CTNNA3: variants seen among roughly 807,000 people sequenced by gnomAD.
CTNNA3 encodes catenin alpha-3.
A neutral mutation model predicts 95.7 loss-of-function variants in CTNNA3; 76 were observed. The observed-to-expected ratio is 0.79, with a 90% confidence interval of 0.66 to 0.96. The LOEUF (loss-of-function observed/expected upper bound fraction) is 0.96. Ranked by LOEUF, CTNNA3 falls within the 40% of genes least tolerant of loss-of-function variation. The probability of loss-of-function intolerance (pLI) is 0.00; values close to 1 mark genes in which losing one functional copy is unlikely to be tolerated. For synonymous variants in CTNNA3, 431 were observed against 374.4 expected, an observed-to-expected ratio of 1.15 and a Z score of -1.74; for missense variants, 1,191 against 1,089.8, an observed-to-expected ratio of 1.09 and a Z score of -1.31.
intron 5 of CTNNA3, among the ~76,000 whole-genome samples, chr10:67,223,877 G>C (rs1864770303): frequency 6.6e-6 from 1 of 152,194 alleles, no homozygotes; most frequent in Non-Finnish European, 1.5e-5. Flanking sequence ...CCACAGCATA[G>C]AGGACAGTCT....
chr10:67,245,855 CA>C (rs34908113), intron 5 of CTNNA3, among the ~76,000 whole-genome samples: 20,900 of 72,166 alleles, frequency 0.29, 2,065 homozygotes, highest in African/African-American at 0.49. Context: ...ACTCTGTCTC[CA>C]AAAAAAAAAA....
chr10:66,335,704 C>T (rs1344110768), intron 12 of CTNNA3, among the ~76,000 whole-genome samples: 3 of 152,132 alleles, frequency 2.0e-5, no homozygotes, highest in Non-Finnish European at 2.9e-5. Context: ...GGTAGTCTGT[C>T]CGTTCTCAGA....
At chr10:66,198,383 A>G (rs953938829) in intron 13 of CTNNA3, among the ~76,000 whole-genome samples, 24 of 152,186 alleles carry the variant, frequency 1.6e-4, no homozygotes, top group Non-Finnish European at 3.4e-4. Context: ...TGGAAGATTA[A>G]TTATAAGAGG....
chr10:66,080,954 A>G (rs2080736914), intron 14 of CTNNA3, among the ~76,000 whole-genome samples: 1 of 152,200 alleles, frequency 6.6e-6, no homozygotes, highest in Admixed American at 6.5e-5. Flanking sequence ...TAAATTGGCA[A>G]GAAACTGGGA....
chr10:67,011,975 T>A (rs1852367963), intron 7 of CTNNA3, among the ~76,000 whole-genome samples: 1 of 152,102 alleles, frequency 6.6e-6, no homozygotes, highest in Non-Finnish European at 1.5e-5. Flanking sequence ...CAACATTACC[T>A]CCTCTGTCAT....
At chr10:66,772,255 C>G (rs534451492) in intron 8 of CTNNA3, among the ~76,000 whole-genome samples, 1 of 151,842 alleles carries the variant, frequency 6.6e-6, no homozygotes, top group Admixed American at 6.6e-5. Context: ...GAAACCCTGT[C>G]TCTACTAAAA....
intron 5 of CTNNA3, among the ~76,000 whole-genome samples, chr10:67,500,155 G>T (rs1028182771): frequency 5.9e-5 from 9 of 152,164 alleles, no homozygotes; most frequent in Non-Finnish European, 8.8e-5. Flanking sequence ...TGGTTTCAAA[G>T]AATTTATTTA....
chr10:66,667,392 A>C (rs2132461045), intron 9 of CTNNA3, among the ~76,000 whole-genome samples: 1 of 152,272 alleles, frequency 6.6e-6, no homozygotes, highest in East Asian at 1.9e-4. Flanking sequence ...TTGCAGAAAC[A>C]ACGTTAAGAG....
intron 17 of CTNNA3, among the ~76,000 whole-genome samples, chr10:65,959,482 C>T (rs1470979346): frequency 6.6e-6 from 1 of 152,136 alleles, no homozygotes; most frequent in Non-Finnish European, 1.5e-5. Context: ...ATGCTGGGAG[C>T]TGTGGACTGG....
chr10:66,863,578 C>T (rs1916377), intron 7 of CTNNA3, among the ~76,000 whole-genome samples: 23,435 of 151,574 alleles, frequency 0.15, 2,455 homozygotes, highest in African/African-American at 0.29. Flanking sequence ...TCTCACAGGC[C>T]TTTTGTCCTT....
At chr10:67,140,679 A>T (rs1860516267) in intron 7 of CTNNA3, among the ~76,000 whole-genome samples, 1 of 152,202 alleles carries the variant, frequency 6.6e-6, no homozygotes, top group African/African-American at 2.4e-5. Flanking sequence ...AAAGACTGTG[A>T]TATTAGTGAA....
chr10:66,604,297 T>C (rs1844036465), intron 10 of CTNNA3, among the ~76,000 whole-genome samples: 1 of 152,142 alleles, frequency 6.6e-6, no homozygotes, highest in African/African-American at 2.4e-5. Flanking sequence ...ATAATCCCCA[T>C]GCTAACACCA....
chr10:67,722,950 C>T (rs891079063), intron 1 of CTNNA3, among the ~76,000 whole-genome samples: 7 of 150,132 alleles, frequency 4.7e-5, no homozygotes, highest in East Asian at 3.9e-4. Context: ...AGGAAGAGGA[C>T]GTAAAATGGA....
intron 7 of CTNNA3, among the ~76,000 whole-genome samples, chr10:66,777,805 A>ATG: frequency 6.6e-6 from 1 of 150,546 alleles, no homozygotes; most frequent in African/African-American, 2.4e-5. Context: ...ACATGCACAC[A>ATG]CACACACACA....
chr10:67,533,544 C>G lies in CTNNA3; in HGVS notation c.459+5959G>C, dbSNP rs192732538. Among the ~76,000 whole-genome samples, 590 of 152,070 alleles carry G rather than the reference C, an allele frequency of 3.9e-3. 4 individuals carry two copies. Among genetic ancestry groups the G allele is most frequent in the African/African-American group, 0.013 (541 of 41,518 alleles). On this transcript the variant is annotated intron_variant, in intron 4 of 17. Coordinates refer to ENST00000433211, the MANE Select transcript of CTNNA3 (RefSeq NM_013266.4). ...AATATTGAAATATCAGCACTTTTTTCCTCTGTCCCCTATTACCTTTCATTT... is the reference window on the plus strand; with the variant it reads ...AATATTGAAATATCAGCACTTTTTTGCTCTGTCCCCTATTACCTTTCATTT...
chr10:67,068,008 A>G (rs967890597), intron 7 of CTNNA3, among the ~76,000 whole-genome samples: 10 of 152,226 alleles, frequency 6.6e-5, no homozygotes, highest in Admixed American at 4.6e-4. Flanking sequence ...TAGGTAATCA[A>G]TCACCAAGTG....
In CTNNA3 at chr10:67,028,374, C is replaced by T. The variant is rs184310095; in HGVS notation, c.1047+151943G>A. ...ATAGATTTGGAGAGTACCTATCATC[C>T]ACAGCTTGCATGACTTCCAGTATTT... On this transcript the variant is annotated intron_variant, in intron 7 of 17. Transcript: ENST00000433211. Among the ~76,000 whole-genome samples the T allele has an allele frequency of 8.2e-4, 125 of 151,896 alleles. 1 individual carries two copies. The highest frequency in any genetic ancestry group is 1.3e-3 in the Non-Finnish European group (87 of 67,968).
chr10:66,877,856 A>T (rs1456418011), intron 7 of CTNNA3, among the ~76,000 whole-genome samples: 4 of 152,116 alleles, frequency 2.6e-5, no homozygotes, highest in Non-Finnish European at 5.9e-5. Flanking sequence ...GAGACAAGGA[A>T]AGTTTGTTTA....
chr10:66,420,327 G>A lies in CTNNA3; in HGVS notation c.1532-40975C>T, dbSNP rs2093180745. ...GGAATATGCAAATCAAAACCACAAT[G>A]AAATATTATCTTACTCCAGTTAGGA... On this transcript the variant is annotated intron_variant, in intron 11 of 17. Transcript: ENST00000433211. Among the ~76,000 whole-genome samples, 3 of 152,184 alleles carry A rather than the reference G, an allele frequency of 2.0e-5. No homozygotes were observed. The South Asian group carries it at 6.2e-4, about 32-fold the overall frequency.
Sources: gnomAD v4.1 joint callset for allele counts (sites outside exome capture counted in the v4.1 genomes callset) on GRCh38, gnomAD v4.1.1 for gene constraint, MANE v1.5 for transcripts, NCBI Gene and HGNC (gene_info 2026-07-23, HGNC 2026-07-21) for gene names.